The following AIG1 variants were observed in gnomAD, a reference collection of about 807,000 sequenced individuals.
AIG1 encodes androgen-induced gene 1 protein.
In AIG1, 23 loss-of-function variants were observed where a neutral mutation model predicts 31.4. The ratio of observed to expected loss-of-function variants is 0.73; its 90% CI spans 0.53 to 1.04. The LOEUF (loss-of-function observed/expected upper bound fraction) is 1.04. Ranked by LOEUF, AIG1 falls within the 50% of genes least tolerant of loss-of-function variation. The probability of loss-of-function intolerance (pLI) is 0.00; values close to 1 mark genes in which losing one functional copy is unlikely to be tolerated. For missense variants in AIG1, 274 were observed against 295.0 expected (o/e 0.93, Z 0.52); for synonymous variants, 100 against 110.5 (o/e 0.90, Z 0.60).
At position 143,291,578 on chromosome 6, in the gene AIG1, A is replaced by T. The variant is rs994332036; in HGVS notation, c.515+7353A>T. On this transcript the variant is annotated intron_variant, in intron 4 of 5. Transcript: ENST00000357847. The surrounding 1 kb of genome is among the most constrained non-coding windows in gnomAD (Gnocchi z 4.2). ...GAAAGCCCCTTGCATAAGCACAGGC[A>T]GTGAAGTCAGAAGATATTCATCCTT... Among the ~76,000 whole-genome samples, 25 of 152,256 alleles carry T rather than the reference A, an allele frequency of 1.6e-4. No individual in the cohort carries two copies. The highest frequency in any genetic ancestry group is 5.8e-4 in the African/African-American group (24 of 41,474).
At chr6:143,269,685 A>G (rs1188698405) in intron 3 of AIG1, among the ~76,000 whole-genome samples, 1 of 152,258 alleles carries the variant, frequency 6.6e-6, no homozygotes, top group African/African-American at 2.4e-5. Flanking sequence ...GATGAATATC[A>G]CAAATATAAT....
intron 1 of AIG1, among the ~76,000 whole-genome samples, chr6:143,090,772 G>C (rs570618588): frequency 6.6e-6 from 1 of 152,336 alleles, no homozygotes; most frequent in African/African-American, 2.4e-5. Context: ...GATGGCTGCT[G>C]ATTGATCTGG....
chr6:143,313,157 A>T (rs915883427), intron 4 of AIG1, among the ~76,000 whole-genome samples: 12 of 152,138 alleles, frequency 7.9e-5, no homozygotes, highest in African/African-American at 2.9e-4. Flanking sequence ...GCCTCTTCAA[A>T]AAACTGAAAA....
intron 3 of AIG1, among the ~76,000 whole-genome samples, chr6:143,246,760 T>A (rs1357319882): frequency 6.6e-6 from 1 of 152,216 alleles, no homozygotes. Flanking sequence ...AGTGAGAGAA[T>A]GCAAAAGGTT....
At chr6:143,286,268 T>C (rs547565754) in intron 4 of AIG1, among the ~76,000 whole-genome samples, 1 of 152,252 alleles carries the variant, frequency 6.6e-6, no homozygotes, top group African/African-American at 2.4e-5. Context: ...TAGTCCTCAT[T>C]ATAGACCCCC....
At chr6:143,173,172 C>G (rs1465947560) in intron 3 of AIG1, among the ~76,000 whole-genome samples, 2 of 152,168 alleles carry the variant, frequency 1.3e-5, no homozygotes, top group Admixed American at 1.3e-4. Flanking sequence ...TCTCATGCCT[C>G]AGCCTCCTGA....
intron 1 of AIG1, among the ~76,000 whole-genome samples, chr6:143,095,187 A>G (rs1457139244): frequency 1.3e-5 from 2 of 152,200 alleles, no homozygotes; most frequent in African/African-American, 2.4e-5. Context: ...AAAAGAAAAT[A>G]ATGAAAGAGA....
At chr6:143,212,776 CAT>C (rs1406312475) in intron 3 of AIG1, among the ~76,000 whole-genome samples, 4 of 152,138 alleles carry the variant, frequency 2.6e-5, no homozygotes. Flanking sequence ...CAGACCAAAA[CAT>C]AGGAGCCTTT....
intron 2 of AIG1, 187 bp from the exon 3 acceptor site, chr6:143,164,895 G>C: frequency 2.0e-6 from 1 of 489,710 alleles, no homozygotes; most frequent in Non-Finnish European, 3.7e-6. Context: ...GAGAGAGGAG[G>C]CACCTTACCT....
rs1797538995 is a variant in AIG1, at chr6:143,284,214, C to T, written c.504C>T (p.Gly168=). The change falls in exon 4 of 6, where the codon GGC becomes GGT. Residue 168 remains glycine (G), a synonymous_variant. Coordinates refer to ENST00000357847, the MANE Select transcript of AIG1 (RefSeq NM_016108.4). This position sits in a 1 kb window ranked among gnomAD's most constrained non-coding sequence, Gnocchi z 4.4. The part of the protein sequence containing the change: ...GLTAICTFSV[G]YILWVCWVHH... ...CCGCCATATGTACCTTCTCTGTTGG[C>T]TATATATTATGGTAAGGACCATGCC... The T allele has an allele frequency of 6.2e-7, 1 of 1,610,854 alleles. No homozygotes were observed. Among genetic ancestry groups the T allele is most frequent in the South Asian group, 1.1e-5 (1 of 90,828 alleles).
chr6:143,182,887 G>C (rs1008624114), intron 3 of AIG1, among the ~76,000 whole-genome samples: 2 of 152,024 alleles, frequency 1.3e-5, no homozygotes, highest in African/African-American at 4.8e-5. Context: ...CTTCATAATA[G>C]TTGACAGAGA....
chr6:143,161,539 A>G (rs1173444240), intron 2 of AIG1, among the ~76,000 whole-genome samples: 5 of 149,984 alleles, frequency 3.3e-5, no homozygotes, highest in African/African-American at 4.9e-5. Flanking sequence ...TTATATATAT[A>G]TGTGTGTATA....
intron 3 of AIG1, among the ~76,000 whole-genome samples, chr6:143,227,659 G>C (rs761290027): frequency 1.1e-4 from 17 of 152,056 alleles, no homozygotes; most frequent in Non-Finnish European, 2.2e-4. Flanking sequence ...GGAAAGCCCT[G>C]ACTGATATTT....
chr6:143,094,211 CA>C (rs1457095102), intron 1 of AIG1: 1 of 152,134 alleles, frequency 6.6e-6, no homozygotes. Context: ...AGGTGGCGTC[CA>C]TAAGATTCTT....
chr6:143,153,756 A>G (rs1785465113), intron 2 of AIG1, among the ~76,000 whole-genome samples: 1 of 152,104 alleles, frequency 6.6e-6, no homozygotes, highest in African/African-American at 2.4e-5. Flanking sequence ...TTCACCATTC[A>G]TGACCATTTT....
At chr6:143,137,787 A>G (rs1278235033) in intron 2 of AIG1, among the ~76,000 whole-genome samples, 1 of 152,174 alleles carries the variant, frequency 6.6e-6, no homozygotes, top group Admixed American at 6.5e-5. Context: ...TGTAGCCAGG[A>G]GAAGAGAACT....
At chr6:143,341,466 G>A (rs1777852678), downstream of AIG1, among the ~76,000 whole-genome samples, 1 of 152,142 alleles carries the variant, frequency 6.6e-6, no homozygotes, top group Non-Finnish European at 1.5e-5. Flanking sequence ...TTAAAGAGGG[G>A]ATTAAGTTAA....
intron 3 of AIG1, among the ~76,000 whole-genome samples, chr6:143,234,784 T>C (rs1188828714): frequency 6.6e-6 from 1 of 152,118 alleles, no homozygotes; most frequent in African/African-American, 2.4e-5. Context: ...ACCAACACCA[T>C]TGATAATAAG....
chr6:143,312,013 G>C (rs1365951439), intron 4 of AIG1, among the ~76,000 whole-genome samples: 1 of 151,898 alleles, frequency 6.6e-6, no homozygotes, highest in Non-Finnish European at 1.5e-5. Flanking sequence ...AGACGTGAAA[G>C]AGCTCTACAA....
Sources: allele counts gnomAD v4.1 joint callset (sites outside exome capture counted in the v4.1 genomes callset), GRCh38; gene constraint gnomAD v4.1.1; non-coding constraint Gnocchi (gnomAD v3.1); transcripts MANE v1.5; gene names NCBI Gene and HGNC (gene_info 2026-07-23, HGNC 2026-07-21).